Variants in FSTL5 observed in about 807,000 individuals in gnomAD.
FSTL5 encodes the protein follistatin-related protein 5.
Under a neutral mutation model 89.1 loss-of-function variants are expected in FSTL5, and 62 were observed. The observed-to-expected ratio is 0.70, with a 90% CI of 0.57 to 0.86. The LOEUF (loss-of-function observed/expected upper bound fraction) is 0.86, where lower values mean the gene tolerates loss of function less well. FSTL5 is among the 40% of genes least tolerant of loss of function. FSTL5 has a pLI of 0.00. For synonymous variants in FSTL5, 383 were observed against 346.2 expected (o/e 1.11, Z -1.18); for missense variants, 1,057 against 1,001.6 (o/e 1.06, Z -0.75).
intron 4 of FSTL5, among the ~76,000 whole-genome samples, chr4:161,781,077 T>C (rs1358091364): frequency 6.6e-6 from 1 of 152,080 alleles, no homozygotes; most frequent in Non-Finnish European, 1.5e-5. Context: ...ATTCTATCTG[T>C]ATATTATAAT....
At chr4:161,679,623 G>T (rs538430037) in intron 6 of FSTL5, among the ~76,000 whole-genome samples, 2 of 151,886 alleles carry the variant, frequency 1.3e-5, no homozygotes, top group South Asian at 4.1e-4. Context: ...GAAAACATGT[G>T]CTTGGTACAC....
chr4:161,437,605 C>A (rs1049983098), intron 15 of FSTL5, among the ~76,000 whole-genome samples: 40 of 126,768 alleles, frequency 3.2e-4, no homozygotes, highest in African/African-American at 1.1e-3. Flanking sequence ...AGGTCTTAAT[C>A]CCATGAAAGT....
intron 6 of FSTL5, among the ~76,000 whole-genome samples, chr4:161,721,764 C>A (rs1739227349): frequency 6.6e-6 from 1 of 152,156 alleles, no homozygotes; most frequent in African/African-American, 2.4e-5. Flanking sequence ...AGTCACCGTC[C>A]CATATAGGCA....
At position 161,925,991 on chromosome 4, in the gene FSTL5, T is replaced by G. The variant is rs151163560; in HGVS notation, c.161-5339A>C. On this transcript the variant is annotated intron_variant, in intron 3 of 15. Transcript: ENST00000306100. ...TTTAGAATTAAGTATAATATTTTGG[T>G]GATGTTTTGATTCCCACAAATGGAA... is the stretch of plus-strand genomic sequence containing the variant. 5.1e-3 allele frequency among the ~76,000 whole-genome samples: 771 copies of G among 151,982 alleles called. 9 individuals are homozygous for G. The highest frequency in any genetic ancestry group is 0.018 in the African/African-American group (741 of 41,518).
At chr4:161,954,211 A>G (rs987641678) in intron 3 of FSTL5, among the ~76,000 whole-genome samples, 1 of 151,692 alleles carries the variant, frequency 6.6e-6, no homozygotes, top group Non-Finnish European at 1.5e-5. Context: ...TAATAATTAG[A>G]GTGTCATCTC....
intron 15 of FSTL5, among the ~76,000 whole-genome samples, chr4:161,421,627 G>A (rs1369268068): frequency 6.6e-6 from 1 of 152,142 alleles, no homozygotes; most frequent in African/African-American, 2.4e-5. Context: ...TATTATTTCT[G>A]GGTATGTCTG....
intron 2 of FSTL5, among the ~76,000 whole-genome samples, chr4:162,064,843 C>A (rs1014922927): frequency 2.0e-5 from 3 of 151,932 alleles, no homozygotes; most frequent in African/African-American, 7.2e-5. Flanking sequence ...CTGAAAACCA[C>A]CATTCTACTC....
chr4:161,854,147 A>G (rs1486524772), intron 4 of FSTL5, among the ~76,000 whole-genome samples: 1 of 152,200 alleles, frequency 6.6e-6, no homozygotes, highest in East Asian at 1.9e-4. Flanking sequence ...GCCAGGAGGA[A>G]CAGGGAAAGC....
At chr4:161,926,534 G>T (rs1316920874) in intron 3 of FSTL5, among the ~76,000 whole-genome samples, 4 of 151,364 alleles carry the variant, frequency 2.6e-5, no homozygotes, top group African/African-American at 9.7e-5. Context: ...TTTGCTAGGA[G>T]ATATAATTTT....
At chr4:161,768,934 G>T (rs1741111321) in intron 5 of FSTL5, among the ~76,000 whole-genome samples, 1 of 151,598 alleles carries the variant, frequency 6.6e-6, no homozygotes, top group South Asian at 2.1e-4. Context: ...AAATAAAATT[G>T]ACAAACCTTT....
intron 7 of FSTL5, among the ~76,000 whole-genome samples, chr4:161,645,653 C>A (rs990473690): frequency 6.6e-6 from 1 of 152,086 alleles, no homozygotes; most frequent in African/African-American, 2.4e-5. Context: ...ACCTACACGA[C>A]CTGCGTTAGT....
chr4:162,046,757 G>T (rs1157396237), intron 2 of FSTL5, among the ~76,000 whole-genome samples: 3 of 152,140 alleles, frequency 2.0e-5, no homozygotes, highest in African/African-American at 4.8e-5. Flanking sequence ...ATGAATTAAT[G>T]ATTTGGTTAT....
intron 15 of FSTL5, among the ~76,000 whole-genome samples, chr4:161,427,393 T>C (rs1274581512): frequency 6.6e-6 from 1 of 152,178 alleles, no homozygotes; most frequent in African/African-American, 2.4e-5. Flanking sequence ...TCTGAGGCAG[T>C]GGCTGAATCT....
chr4:162,003,657 A>T (rs1187110388), intron 3 of FSTL5, among the ~76,000 whole-genome samples: 1 of 152,204 alleles, frequency 6.6e-6, no homozygotes, highest in African/African-American at 2.4e-5. Context: ...AGGAATGGCC[A>T]ATGTAGTGTA....
At chr4:161,925,207 C>A (rs1254568678) in intron 3 of FSTL5, among the ~76,000 whole-genome samples, 8 of 151,806 alleles carry the variant, frequency 5.3e-5, no homozygotes, top group Admixed American at 5.3e-4. Context: ...TCTATAATAT[C>A]TATTATTTAT....
intron 4 of FSTL5, among the ~76,000 whole-genome samples, chr4:161,864,331 A>C (rs1732010293): frequency 6.6e-6 from 1 of 152,206 alleles, no homozygotes; most frequent in Non-Finnish European, 1.5e-5. Context: ...GATTCTTAAA[A>C]GCCGTATGGT....
rs560988886 is a variant in FSTL5 at position 162,111,511 on chromosome 4, T to G, written c.-16-99A>C. 4 of 956,140 alleles carry G rather than the reference T, an allele frequency of 4.2e-6. No individual in the cohort carries two copies. In the South Asian group the frequency reaches 9.0e-5, roughly 22 times the overall value. The allele number at this position is 956,140 out of a possible 1,614,324, so 59.2% of individuals were successfully genotyped here. ...AATATCACATATAAATCTCCATTAATCTAATCAAAACTTGCTGGTAGTTGC... is the reference window on the plus strand; with the variant it reads ...AATATCACATATAAATCTCCATTAAGCTAATCAAAACTTGCTGGTAGTTGC... On this transcript the variant is annotated intron_variant, in intron 1 of 15. Transcript: ENST00000306100.
At chr4:161,866,613 A>T (rs1368376247) in intron 4 of FSTL5, among the ~76,000 whole-genome samples, 1 of 151,870 alleles carries the variant, frequency 6.6e-6, no homozygotes, top group Non-Finnish European at 1.5e-5. Flanking sequence ...TAGCCCTCAC[A>T]TATTACCTGA....
At chr4:161,657,045 A>T (rs1736544472) in intron 6 of FSTL5, among the ~76,000 whole-genome samples, 1 of 152,204 alleles carries the variant, frequency 6.6e-6, no homozygotes, top group African/African-American at 2.4e-5. Flanking sequence ...ACCAGATCGC[A>T]CTGGTATTGA....
Sources: gnomAD v4.1 joint callset for allele counts (sites outside exome capture counted in the v4.1 genomes callset) on GRCh38, gnomAD v4.1.1 for gene constraint, MANE v1.5 for transcripts, NCBI Gene and HGNC (gene_info 2026-07-23, HGNC 2026-07-21) for gene names.